Variants in IMMP2L observed in about 807,000 individuals in gnomAD.
The protein encoded by IMMP2L is mitochondrial inner membrane protease subunit 2.
A neutral mutation model predicts 19.3 loss-of-function variants in IMMP2L; 18 were observed. That is an observed-to-expected ratio of 0.93 (90% confidence interval 0.64 to 1.38). The LOEUF (loss-of-function observed/expected upper bound fraction) is 1.38. Among genes scored for constraint, IMMP2L ranks in the 40% most tolerant of loss-of-function variants. The pLI, the probability that IMMP2L is intolerant of heterozygous loss-of-function variation, is 0.00. For missense variants in IMMP2L, 233 were observed against 218.2 expected (o/e 1.07, Z -0.43); for synonymous variants, 76 against 73.0 (o/e 1.04, Z -0.21).
intron 3 of IMMP2L, among the ~76,000 whole-genome samples, chr7:111,403,723 A>AT (rs1360243094): frequency 6.6e-6 from 1 of 152,090 alleles, no homozygotes; most frequent in Non-Finnish European, 1.5e-5. Flanking sequence ...AAAACCCAAT[A>AT]TTTTTTGGGT....
At chr7:110,752,516 A>T (rs1419408064) in intron 5 of IMMP2L, among the ~76,000 whole-genome samples, 2 of 152,092 alleles carry the variant, frequency 1.3e-5, no homozygotes. Context: ...TATATTAAAC[A>T]ATACAAAGTC....
At chr7:111,364,311 T>G (rs570137838) in intron 3 of IMMP2L, among the ~76,000 whole-genome samples, 1 of 152,122 alleles carries the variant, frequency 6.6e-6, no homozygotes, top group Admixed American at 6.6e-5. Context: ...CATCTGCTAG[T>G]TATCATTTTA....
chr7:110,941,808 A>G (rs1381178586), intron 4 of IMMP2L, among the ~76,000 whole-genome samples: 1 of 152,200 alleles, frequency 6.6e-6, no homozygotes, highest in African/African-American at 2.4e-5. Context: ...CAATAACTGA[A>G]TGCATCTGCA....
intron 3 of IMMP2L, among the ~76,000 whole-genome samples, chr7:111,480,086 T>C (rs1281429727): frequency 2.2e-5 from 3 of 135,254 alleles, no homozygotes; most frequent in Non-Finnish European, 4.7e-5. Context: ...GGATACCAAC[T>C]TTTTTTTTTT....
At chr7:111,065,622 G>A (rs1444938257) in intron 3 of IMMP2L, among the ~76,000 whole-genome samples, 24 of 152,132 alleles carry the variant, frequency 1.6e-4, no homozygotes, top group Admixed American at 1.6e-3. Flanking sequence ...ATATAAAGGA[G>A]GCAGAAAAAC....
intron 3 of IMMP2L, among the ~76,000 whole-genome samples, chr7:111,228,966 C>CGTGTGTGTGTGTGTGT (rs10530563): frequency 6.9e-6 from 1 of 143,950 alleles, no homozygotes; most frequent in Non-Finnish European, 1.5e-5. Flanking sequence ...ACTAGCAATG[C>CGTGTGTGTGTGTGTGT]GTGTGTGTGT....
In IMMP2L at chr7:110,877,053, C is replaced by A. The variant is rs994080150; in HGVS notation, c.408+9540G>T. On this transcript the variant is annotated intron_variant, in intron 5 of 5. Coordinates refer to ENST00000405709, the MANE Select transcript of IMMP2L (RefSeq NM_032549.4). This position sits in a 1 kb window ranked among gnomAD's most constrained non-coding sequence, Gnocchi z 4.0. ...ATTTGTGGGATATAAGTCTCTCTTG[C>A]AAGTACTTAACTCAGCCGTTACAGA... Among the ~76,000 whole-genome samples, 1 of 152,118 alleles carries A rather than the reference C, an allele frequency of 6.6e-6. No homozygotes were observed. The highest frequency in any genetic ancestry group is 1.5e-5 in the Non-Finnish European group (1 of 68,026).
intron 4 of IMMP2L, among the ~76,000 whole-genome samples, chr7:110,961,419 G>GA (rs1324381149): frequency 7.8e-6 from 1 of 128,556 alleles, no homozygotes; most frequent in Non-Finnish European, 1.7e-5. Flanking sequence ...ATAATGACAA[G>GA]AAAAAAGTCT....
At chr7:110,858,952 C>T (rs1807095978) in intron 5 of IMMP2L, among the ~76,000 whole-genome samples, 2 of 152,070 alleles carry the variant, frequency 1.3e-5, no homozygotes, top group Non-Finnish European at 2.9e-5. Context: ...TTTGTGGCTC[C>T]ATAGTATTCA....
intron 3 of IMMP2L, among the ~76,000 whole-genome samples, chr7:111,295,601 T>C (rs1821543925): frequency 6.6e-6 from 1 of 151,854 alleles, no homozygotes; most frequent in South Asian, 2.1e-4. Context: ...GGAGAAATCT[T>C]ATTATACGGT....
At chr7:110,995,682 C>T (rs1822953985) in intron 3 of IMMP2L, among the ~76,000 whole-genome samples, 1 of 152,156 alleles carries the variant, frequency 6.6e-6, no homozygotes, top group East Asian at 1.9e-4. Flanking sequence ...CTTACAAACA[C>T]AGGCAGCATC....
chr7:111,092,993 G>A (rs1242016242), intron 3 of IMMP2L, among the ~76,000 whole-genome samples: 1 of 152,100 alleles, frequency 6.6e-6, no homozygotes, highest in African/African-American at 2.4e-5. Context: ...ATAAGCCAAA[G>A]CAAAAAGACA....
chr7:111,359,265 C>G (rs1188728249), intron 3 of IMMP2L, among the ~76,000 whole-genome samples: 1 of 151,974 alleles, frequency 6.6e-6, no homozygotes, highest in Non-Finnish European at 1.5e-5. Context: ...GCCAGGGCAT[C>G]CATGTGAGGT....
chr7:111,257,352 G>A (rs193076992), intron 3 of IMMP2L, among the ~76,000 whole-genome samples: 1 of 151,992 alleles, frequency 6.6e-6, no homozygotes, highest in Non-Finnish European at 1.5e-5. Flanking sequence ...CAGGTCACCC[G>A]TTACTAAATT....
chr7:111,549,934 C>G (rs1041208055), intron 1 of IMMP2L, among the ~76,000 whole-genome samples: 1 of 146,736 alleles, frequency 6.8e-6, no homozygotes, highest in Non-Finnish European at 1.5e-5. Flanking sequence ...GAGCGAGACT[C>G]CGTGTCAAAA....
chr7:111,040,855 C>G (rs569551293), intron 3 of IMMP2L, among the ~76,000 whole-genome samples: 2 of 151,328 alleles, frequency 1.3e-5, no homozygotes, highest in Admixed American at 6.6e-5. Flanking sequence ...AAGATTTTAA[C>G]TTGGGCAATA....
chr7:111,037,933 T>C (rs2129570290), intron 3 of IMMP2L, among the ~76,000 whole-genome samples: 1 of 152,226 alleles, frequency 6.6e-6, no homozygotes, highest in Middle Eastern at 3.4e-3. Flanking sequence ...GGTAAAAAAG[T>C]TGCGGGGATA....
At chr7:111,354,308 GAGA>G (rs1184107865) in intron 3 of IMMP2L, among the ~76,000 whole-genome samples, 1 of 151,890 alleles carries the variant, frequency 6.6e-6, no homozygotes, top group African/African-American at 2.4e-5. Context: ...CAGATAAATA[GAGA>G]ACATATATAT....
chr7:111,055,178 T>G (rs951748924), intron 3 of IMMP2L, among the ~76,000 whole-genome samples: 8 of 151,950 alleles, frequency 5.3e-5, no homozygotes, highest in Admixed American at 5.2e-4. Context: ...AGCCTCCGAG[T>G]AGCTGGAACT....
Sources: gnomAD v4.1 joint callset for allele counts (sites outside exome capture counted in the v4.1 genomes callset) on GRCh38, gnomAD v4.1.1 for gene constraint, Gnocchi (gnomAD v3.1) non-coding constraint, MANE v1.5 for transcripts, NCBI Gene and HGNC (gene_info 2026-07-23, HGNC 2026-07-21) for gene names.